Variants in TCTN3 observed in about 807,000 individuals in gnomAD.
The protein encoded by TCTN3 is tectonic-3.
A neutral mutation model predicts 71.3 loss-of-function variants in TCTN3; 57 were observed. The observed-to-expected ratio is 0.80, with a 90% CI of 0.65 to 1.00. The LOEUF (loss-of-function observed/expected upper bound fraction) is 1.00. TCTN3 is among the 50% of genes least tolerant of loss of function. The pLI is 0.00. For synonymous variants in TCTN3, 258 were observed against 267.8 expected, an observed-to-expected ratio of 0.96 and a Z score of 0.36; for missense variants, 696 against 719.9, an observed-to-expected ratio of 0.97 and a Z score of 0.38.
At chr10:95,680,721 T>C in intron 12 of TCTN3, 112 bp from the exon 13 acceptor site, 1 of 1,246,796 alleles carries the variant, frequency 8.0e-7, no homozygotes, top group Non-Finnish European at 1.1e-6. Flanking sequence ...AGGAAGGCAA[T>C]GTAGCTTAGT....
intron 13 of TCTN3, among the ~76,000 whole-genome samples, chr10:95,671,579 A>G (rs1331167854): frequency 6.6e-6 from 1 of 152,232 alleles, no homozygotes; most frequent in East Asian, 1.9e-4. Flanking sequence ...AAAATTGTGG[A>G]TACTAACTTT....
At chr10:95,693,257 G>A (rs1160329792) in intron 2 of TCTN3, 96 bp downstream of exon 2, 3 of 1,507,204 alleles carry the variant, frequency 2.0e-6, no homozygotes, top group Non-Finnish European at 2.7e-6. Flanking sequence ...TGGAAGTACG[G>A]GTGGGAGGCA....
intron 13 of TCTN3, among the ~76,000 whole-genome samples, chr10:95,672,160 T>TGTGTGTGTGTGTGTGTGTGTGTG (rs139798593): frequency 2.1e-4 from 30 of 139,678 alleles, no homozygotes; most frequent in South Asian, 1.1e-3. Context: ...ATTATTATTA[T>TGTGTGTGTGTGTGTGTGTGTGTG]TGTGTGTGTG....
At chr10:95,673,019 G>A (rs1169813703) in intron 13 of TCTN3, among the ~76,000 whole-genome samples, 2 of 151,930 alleles carry the variant, frequency 1.3e-5, no homozygotes, top group African/African-American at 2.4e-5. Context: ...CAAATCTTTT[G>A]CCCATTTTTA....
At chr10:95,691,966 T>C (rs964085682) in intron 3 of TCTN3, among the ~76,000 whole-genome samples, 1 of 152,206 alleles carries the variant, frequency 6.6e-6, no homozygotes, top group African/African-American at 2.4e-5. Context: ...CTAATGCTCC[T>C]CCTACACTGT....
At position 95,682,806 on chromosome 10, in the gene TCTN3, T is replaced by C; in HGVS notation, c.1299-2A>G. On this transcript the variant is annotated splice_acceptor_variant, in intron 11 of 13. Coordinates refer to ENST00000371217, the MANE Select transcript of TCTN3 (RefSeq NM_015631.6). LOFTEE classifies it high-confidence loss of function. Reference sequence around the variant, plus strand: ...TGGCTGCAGTCTGCCTTCTTCAACCTATAATTAAACACCATGGAGGCTGCA... The same window carrying C: ...TGGCTGCAGTCTGCCTTCTTCAACCCATAATTAAACACCATGGAGGCTGCA... 6.2e-7 allele frequency: 1 copy of C among 1,613,480 alleles called. No individual in the cohort carries two copies. The highest frequency in any genetic ancestry group is 8.5e-7 in the Non-Finnish European group (1 of 1,179,748).
chr10:95,688,406 A>G (rs964777973), intron 3 of TCTN3, among the ~76,000 whole-genome samples: 1 of 148,656 alleles, frequency 6.7e-6, no homozygotes, highest in South Asian at 2.1e-4. Context: ...AGAAAAAAAA[A>G]AAAAAAAAAA....
intron 13 of TCTN3, among the ~76,000 whole-genome samples, chr10:95,674,851 G>A (rs561073737): frequency 6.6e-6 from 1 of 151,750 alleles, no homozygotes; most frequent in South Asian, 2.1e-4. Flanking sequence ...ATGAATGAAT[G>A]AATAAATAAA....
At chr10:95,666,579 A>G (rs1356250049) in intron 13 of TCTN3, among the ~76,000 whole-genome samples, 1 of 152,224 alleles carries the variant, frequency 6.6e-6, no homozygotes, top group African/African-American at 2.4e-5. Flanking sequence ...TATAGCTGAC[A>G]TTATTGAAGC....
intron 13 of TCTN3, among the ~76,000 whole-genome samples, chr10:95,665,500 C>T (rs913621879): frequency 2.9e-4 from 44 of 152,068 alleles, no homozygotes; most frequent in African/African-American, 8.5e-4. Context: ...GGGCTGGTCT[C>T]GAACTCCTGA....
intron 12 of TCTN3, 96 bp from the exon 13 acceptor site, chr10:95,680,705 G>C: frequency 2.1e-6 from 3 of 1,423,402 alleles, no homozygotes; most frequent in Non-Finnish European, 2.8e-6. Context: ...GCATTATTCA[G>C]TAATAAGGAA....
rs1401569272 is a variant in TCTN3, at chr10:95,685,583, T to C, written c.942A>G (p.Gly314=). ...GAGAAACTACATTCTGACAAGTGTT[T>C]CCAGCCAACAGAGGAGCATTAGCCT... ...TSQANAPLLA[G]NTCQNVVSQV... is the part of the protein sequence containing the mutation. The change falls in exon 8 of 14, where the codon GGA becomes GGG. Residue 314 remains glycine, a synonymous_variant. Coordinates refer to ENST00000371217, the MANE Select transcript of TCTN3 (RefSeq NM_015631.6). The C allele has an allele frequency of 6.4e-7, 1 of 1,551,550 alleles. No individual in the cohort carries two copies. Among genetic ancestry groups the C allele is most frequent in the Admixed American group, 2.0e-5 (1 of 51,006 alleles).
chr10:95,691,561 C>A (rs2097953537), intron 3 of TCTN3, among the ~76,000 whole-genome samples: 1 of 152,142 alleles, frequency 6.6e-6, no homozygotes, highest in South Asian at 2.1e-4. Context: ...CCCCCAAAAC[C>A]AAAAACTGGT....
At chr10:95,675,611 G>T (rs1392909772) in intron 13 of TCTN3, among the ~76,000 whole-genome samples, 3 of 152,184 alleles carry the variant, frequency 2.0e-5, no homozygotes, top group Non-Finnish European at 4.4e-5. Context: ...CCTTGTGAAA[G>T]AAAGATTTCA....
chr10:95,680,530 G>A lies in TCTN3; in HGVS notation c.1532C>T (p.Ser511Phe). 1.9e-6 allele frequency: 3 copies of A among 1,614,154 alleles called. No individual in the cohort carries two copies. The highest frequency in any genetic ancestry group is 2.5e-6 in the Non-Finnish European group (3 of 1,180,018). ...TCCTGATACATGAGCTTGCGGGTTG[G>A]ACAGGAGACCTACATATGCCCACAA... ...QVLWAYVGLL[S>F]NPQAHVSGVR... is the part of the protein sequence containing the mutation. Residue 511 changes from serine to phenylalanine, a missense_variant, in exon 13 of 14, where the codon TCC becomes TTC. Ser to Phe is a radical substitution (Grantham distance 155). Transcript: ENST00000371217.
chr10:95,679,121 T>C (rs1036154022), intron 13 of TCTN3, among the ~76,000 whole-genome samples: 4 of 152,180 alleles, frequency 2.6e-5, no homozygotes, highest in Non-Finnish European at 4.4e-5. Flanking sequence ...ATGACTGTAG[T>C]GTGGTTTTGT....
intron 13 of TCTN3, among the ~76,000 whole-genome samples, chr10:95,677,477 T>TTTTG (rs2097938321): frequency 1.4e-5 from 1 of 73,002 alleles, no homozygotes; most frequent in Non-Finnish European, 3.2e-5. Context: ...GTCTACAGTT[T>TTTTG]TTTTTGTTTT....
intron 3 of TCTN3, among the ~76,000 whole-genome samples, chr10:95,691,104 G>T (rs904043790): frequency 1.3e-5 from 2 of 152,176 alleles, no homozygotes; most frequent in Admixed American, 6.5e-5. Flanking sequence ...AGGTGCCATT[G>T]CAATAACCCT....
In TCTN3 at chr10:95,685,612, A is replaced by G; in HGVS notation, c.913T>C (p.Ser305Pro). 2 of 1,551,470 alleles carry G rather than the reference A, an allele frequency of 1.3e-6. No individual in the cohort carries two copies. The highest frequency in any genetic ancestry group is 2.4e-5 in the South Asian group (2 of 84,052). The change falls in exon 8 of 14, where the codon TCA becomes CCA. Residue 305 changes from serine to proline, a missense_variant. Transcript: ENST00000371217. The part of the protein sequence containing the change: ...MEFQVPVILT[S>P]QANAPLLAGN... ...GCCAACAGAGGAGCATTAGCCTGTG[A>G]GGTAAGTATTACAGGAACCTGGAAC... is the stretch of plus-strand genomic sequence containing the variant.
Sources: allele counts gnomAD v4.1 joint callset (sites outside exome capture counted in the v4.1 genomes callset), GRCh38; gene constraint gnomAD v4.1.1; transcripts MANE v1.5; gene names NCBI Gene and HGNC (gene_info 2026-07-23, HGNC 2026-07-21).